Variants in GALNT13 observed in about 807,000 individuals in gnomAD.
GALNT13 encodes the protein UDP-GalNAc:polypeptide N-acetylgalactosaminyltransferase 13.
Under a neutral mutation model 64.2 loss-of-function variants are expected in GALNT13, and 28 were observed. The ratio of observed to expected loss-of-function variants is 0.44; its 90% CI spans 0.32 to 0.60. The LOEUF (loss-of-function observed/expected upper bound fraction) is 0.60. Among genes scored for constraint, GALNT13 ranks in the 20% least tolerant of loss-of-function variants. The pLI is 0.05. For missense variants in GALNT13, 577 were observed against 669.8 expected (o/e 0.86, Z 1.53); for synonymous variants, 214 against 224.6 (o/e 0.95, Z 0.42).
intron 8 of GALNT13, among the ~76,000 whole-genome samples, chr2:154,271,949 T>C (rs1026140420): frequency 1.6e-4 from 25 of 151,790 alleles, no homozygotes; most frequent in African/African-American, 5.3e-4. Context: ...GAGTTGGAAC[T>C]AGGATAGTAA....
At chr2:153,649,448 TTG>T in the GALNT13 span, among the ~76,000 whole-genome samples, 1 of 150,994 alleles carries the variant, frequency 6.6e-6, no homozygotes, top group East Asian at 1.9e-4. Flanking sequence ...GAAGGGTTTT[TTG>T]TGTCTCTATT....
At chr2:153,786,328 A>T in the GALNT13 span, among the ~76,000 whole-genome samples, 1 of 152,166 alleles carries the variant, frequency 6.6e-6, no homozygotes, top group East Asian at 1.9e-4. Context: ...CCTCCAGCAC[A>T]CTGCAGCCAC....
At chr2:153,592,114 A>G in the GALNT13 span, among the ~76,000 whole-genome samples, 1 of 152,102 alleles carries the variant, frequency 6.6e-6, no homozygotes, top group African/African-American at 2.4e-5. Context: ...ACTAGAGTAA[A>G]GCAAATTAAA....
the GALNT13 span, among the ~76,000 whole-genome samples, chr2:153,583,281 T>C: frequency 1.1e-4 from 16 of 152,300 alleles, 1 homozygote; most frequent in South Asian, 2.9e-3. Context: ...TGCTAAGAAA[T>C]AATGGAAATG....
intron 9 of GALNT13, among the ~76,000 whole-genome samples, chr2:154,316,955 G>A (rs576715600): frequency 1.3e-5 from 2 of 152,318 alleles, no homozygotes; most frequent in East Asian, 3.9e-4. Context: ...GCTGATGCCT[G>A]TAATCCCAGC....
At chr2:153,118,586 G>T in the GALNT13 span, among the ~76,000 whole-genome samples, 45 of 152,098 alleles carry the variant, frequency 3.0e-4, no homozygotes, top group Non-Finnish European at 3.8e-4. Context: ...ATATCTTACT[G>T]ATCTGTGTAG....
chr2:154,027,979 C>T (rs1698086946), intron 3 of GALNT13, among the ~76,000 whole-genome samples: 1 of 151,876 alleles, frequency 6.6e-6, no homozygotes, highest in African/African-American at 2.4e-5. Context: ...TAAATATTGC[C>T]TAAGTAAAAC....
chr2:153,782,824 A>G, the GALNT13 span, among the ~76,000 whole-genome samples: 1 of 152,124 alleles, frequency 6.6e-6, no homozygotes, highest in Non-Finnish European at 1.5e-5. Context: ...TGTTTAGACT[A>G]CCCAATCCGT....
At chr2:154,054,950 G>T (rs968905600) in intron 3 of GALNT13, among the ~76,000 whole-genome samples, 8 of 151,718 alleles carry the variant, frequency 5.3e-5, no homozygotes, top group Non-Finnish European at 7.4e-5. Flanking sequence ...TAATTATGTT[G>T]ATAAAATAAG....
the GALNT13 span, among the ~76,000 whole-genome samples, chr2:153,839,162 G>A: frequency 2.6e-5 from 4 of 151,696 alleles, no homozygotes; most frequent in Non-Finnish European, 4.4e-5. Context: ...ATTTTTTTGT[G>A]CATGTAATGT....
chr2:153,575,816 G>T, the GALNT13 span, among the ~76,000 whole-genome samples: 4,008 of 152,192 alleles, frequency 0.026, 116 homozygotes, highest in East Asian at 0.15. Context: ...AATAGAGAAC[G>T]CCAAGAGCCT....
the GALNT13 span, among the ~76,000 whole-genome samples, chr2:153,713,630 A>ACGC: frequency 6.6e-6 from 1 of 152,072 alleles, no homozygotes; most frequent in African/African-American, 2.4e-5. Flanking sequence ...CTACAGGTGT[A>ACGC]CGCCACCACA....
the GALNT13 span, among the ~76,000 whole-genome samples, chr2:153,267,597 G>A: frequency 3.9e-5 from 6 of 152,204 alleles, no homozygotes; most frequent in Non-Finnish European, 8.8e-5. Flanking sequence ...CAAGTCCTGA[G>A]GCTGCACAGA....
chr2:154,042,079 G>A, intron 3 of GALNT13, among the ~76,000 whole-genome samples: 1 of 140,134 alleles, frequency 7.1e-6, no homozygotes, highest in Admixed American at 7.1e-5. Context: ...CACAAGTGAT[G>A]TTCTTTTTAT....
At chr2:153,434,872 G>C in the GALNT13 span, among the ~76,000 whole-genome samples, 2 of 152,044 alleles carry the variant, frequency 1.3e-5, no homozygotes, top group Admixed American at 1.3e-4. Context: ...TGTTGCCATT[G>C]CTTTTGGTGT....
chr2:153,858,803 G>A, the GALNT13 span, among the ~76,000 whole-genome samples: 1 of 151,996 alleles, frequency 6.6e-6, no homozygotes, highest in South Asian at 2.1e-4. Context: ...CCTGATCTCG[G>A]CTCACTGCAA....
At chr2:153,595,420 T>G in the GALNT13 span, among the ~76,000 whole-genome samples, 1 of 151,902 alleles carries the variant, frequency 6.6e-6, no homozygotes, top group African/African-American at 2.4e-5. Flanking sequence ...GCACTCAGTT[T>G]GTATAATAAA....
chr2:153,236,336 G>A, the GALNT13 span, among the ~76,000 whole-genome samples: 317 of 152,220 alleles, frequency 2.1e-3, 1 homozygote, highest in African/African-American at 7.3e-3. Flanking sequence ...TAAACAACAG[G>A]TTTTTAATGT....
At chr2:153,411,665 G>A in the GALNT13 span, among the ~76,000 whole-genome samples, 6 of 152,250 alleles carry the variant, frequency 3.9e-5, no homozygotes, top group African/African-American at 1.2e-4. Flanking sequence ...GACTGATGCT[G>A]GAGCAATAGT....
Sources: allele counts gnomAD v4.1 joint callset (sites outside exome capture counted in the v4.1 genomes callset), GRCh38; gene constraint gnomAD v4.1.1; transcripts MANE v1.5; gene names NCBI Gene and HGNC (gene_info 2026-07-23, HGNC 2026-07-21).